Variants in OTOA observed in about 807,000 individuals in gnomAD.
OTOA encodes otoancorin, also known as cancer/testis antigen 108.
OTOA carries 70 observed loss-of-function variants against 110.8 expected under a neutral mutation model. The ratio of observed to expected loss-of-function variants is 0.63; its 90% confidence interval spans 0.52 to 0.77. The LOEUF (loss-of-function observed/expected upper bound fraction) is 0.77, where lower values mean the gene tolerates loss of function less well. OTOA is among the 30% of genes least tolerant of loss of function. OTOA has a pLI of 0.00. For synonymous variants in OTOA, 373 were observed against 431.5 expected (o/e 0.86, Z 1.68); for missense variants, 917 against 1,075.8 (o/e 0.85, Z 2.06).
intron 21 of OTOA, among the ~76,000 whole-genome samples, chr16:21,731,157 A>G (rs1292957273): frequency 6.6e-6 from 1 of 152,114 alleles, no homozygotes; most frequent in Non-Finnish European, 1.5e-5. Context: ...CCCCCCAGGC[A>G]GATGTGTGCA....
intron 24 of OTOA, among the ~76,000 whole-genome samples, chr16:21,750,380 T>C (rs1438901101): frequency 8.6e-6 from 1 of 115,610 alleles, no homozygotes; most frequent in Non-Finnish European, 1.8e-5. Context: ...GCCGCTGCAC[T>C]CCAGGCTGGG....
intron 1 of OTOA, among the ~76,000 whole-genome samples, chr16:21,673,104 T>C (rs1376998226): frequency 2.6e-5 from 4 of 152,124 alleles, no homozygotes; most frequent in Non-Finnish European, 5.9e-5. Context: ...GCCATGATCA[T>C]GCCACTGCAC....
chr16:21,718,563 G>A (rs1339786299), intron 15 of OTOA, among the ~76,000 whole-genome samples: 1 of 152,172 alleles, frequency 6.6e-6, no homozygotes, highest in Non-Finnish European at 1.5e-5. Context: ...CTATAAAATA[G>A]ACAAATGTAG....
At chr16:21,724,276 G>A (rs1250557119) in intron 18 of OTOA, among the ~76,000 whole-genome samples, 2 of 152,066 alleles carry the variant, frequency 1.3e-5, no homozygotes, top group African/African-American at 2.4e-5. Flanking sequence ...ATAGAGGAGG[G>A]AATATCACCC....
chr16:21,689,964 G>A (rs891041110), intron 8 of OTOA, among the ~76,000 whole-genome samples: 1 of 152,160 alleles, frequency 6.6e-6, no homozygotes, highest in Non-Finnish European at 1.5e-5. Context: ...GGGATTACAG[G>A]TGTGAGCCAC....
chr16:21,719,579 T>G, intron 17 of OTOA, 75 bp downstream of exon 17: 1 of 1,321,466 alleles, frequency 7.6e-7, no homozygotes, highest in Admixed American at 1.7e-5. Context: ...GGCTGTGGCA[T>G]CTAAAGATCT....
chr16:21,695,722 AC>A (rs943629766), intron 9 of OTOA, among the ~76,000 whole-genome samples: 3 of 151,350 alleles, frequency 2.0e-5, no homozygotes, highest in Admixed American at 6.6e-5. Context: ...GAGTCACTGC[AC>A]CCTGTAAATG....
At chr16:21,695,375 G>GA (rs548572750) in intron 9 of OTOA, among the ~76,000 whole-genome samples, 34 of 144,760 alleles carry the variant, frequency 2.3e-4, no homozygotes, top group African/African-American at 6.6e-4. Context: ...AACAGAGGAA[G>GA]AAAAAAAAAA....
intron 12 of OTOA, among the ~76,000 whole-genome samples, chr16:21,708,760 G>A (rs913618662): frequency 2.0e-5 from 3 of 152,138 alleles, no homozygotes; most frequent in African/African-American, 7.2e-5. Context: ...TGCCTGAAAT[G>A]ACTACGTTAT....
chr16:21,673,802 T>C (rs1192720343), intron 1 of OTOA, among the ~76,000 whole-genome samples: 1 of 152,184 alleles, frequency 6.6e-6, no homozygotes, highest in South Asian at 2.1e-4. Context: ...TGTTTGTTTG[T>C]TTTTTGAGTT....
intron 13 of OTOA, among the ~76,000 whole-genome samples, chr16:21,713,974 A>C (rs1344561659): frequency 1.3e-5 from 2 of 152,042 alleles, no homozygotes; most frequent in East Asian, 1.9e-4. Flanking sequence ...CCTAATACCC[A>C]ACTCTTCCTA....
intron 1 of OTOA, among the ~76,000 whole-genome samples, chr16:21,677,207 T>C (rs1966859736): frequency 1.3e-5 from 2 of 152,174 alleles, no homozygotes; most frequent in Non-Finnish European, 2.9e-5. Context: ...CTTAAATACC[T>C]AGGGGTGGCA....
chr16:21,699,849 G>C (rs1019908472), intron 10 of OTOA, among the ~76,000 whole-genome samples: 3 of 152,022 alleles, frequency 2.0e-5, no homozygotes, highest in Non-Finnish European at 2.9e-5. Context: ...AACCCGGGAG[G>C]CTGAAGTTGC....
At chr16:21,726,251 A>G (rs1160041190) in intron 18 of OTOA, among the ~76,000 whole-genome samples, 2 of 151,750 alleles carry the variant, frequency 1.3e-5, no homozygotes, top group Non-Finnish European at 2.9e-5. Context: ...CATGATGGGA[A>G]GTTTGTTCCC....
chr16:21,691,861 G>A (rs373408536), intron 9 of OTOA, among the ~76,000 whole-genome samples, 174 bp downstream of exon 9: 83 of 152,218 alleles, frequency 5.5e-4, no homozygotes, highest in Non-Finnish European at 1.0e-3. Context: ...ACTCCATTTC[G>A]TCAATGCAAT....
chr16:21,664,348 G>A (rs1443179522), intron 1 of OTOA, 116 bp downstream of exon 1: 4 of 152,176 alleles, frequency 2.6e-5, no homozygotes, highest in African/African-American at 9.7e-5. Context: ...GGATGGCGTG[G>A]GGGACAGACC....
At chr16:21,716,493 C>A (rs1057142559) in intron 14 of OTOA, among the ~76,000 whole-genome samples, 1 of 152,022 alleles carries the variant, frequency 6.6e-6, no homozygotes, top group Non-Finnish European at 1.5e-5. Flanking sequence ...ATTGCTTGAA[C>A]CCAGGAGGCG....
intron 9 of OTOA, among the ~76,000 whole-genome samples, chr16:21,697,037 CTTT>C (rs56124254): frequency 1.4e-4 from 9 of 65,040 alleles, no homozygotes; most frequent in Non-Finnish European, 2.4e-4. Flanking sequence ...CTACAGCTGG[CTTT>C]TTTTTTTTTT....
At chr16:21,735,223 C>T (rs1317484488) in intron 21 of OTOA, among the ~76,000 whole-genome samples, 1 of 151,858 alleles carries the variant, frequency 6.6e-6, no homozygotes, top group African/African-American at 2.4e-5. Context: ...ATGCTGGCAT[C>T]TGCCCAGCTT....
Sources: allele counts gnomAD v4.1 joint callset (sites outside exome capture counted in the v4.1 genomes callset), GRCh38; gene constraint gnomAD v4.1.1; transcripts MANE v1.5; gene names NCBI Gene and HGNC (gene_info 2026-07-23, HGNC 2026-07-21).